MAP4K3: variants seen among roughly 807,000 people sequenced by gnomAD.
The protein encoded by MAP4K3 is MAPK/ERK kinase kinase kinase 3.
Under a neutral mutation model 143.5 loss-of-function variants are expected in MAP4K3, and 94 were observed. The observed-to-expected ratio is 0.65, with a 90% CI of 0.55 to 0.78. MAP4K3 has a LOEUF of 0.78. Among genes scored for constraint, MAP4K3 ranks in the 30% least tolerant of loss-of-function variants. MAP4K3 has a pLI of 0.00. For synonymous variants in MAP4K3, 416 were observed against 347.2 expected, an observed-to-expected ratio of 1.20 and a Z score of -2.20; for missense variants, 1,077 against 1,068.1, an observed-to-expected ratio of 1.01 and a Z score of -0.12.
chr2:39,270,461 C>T (rs1394365711), intron 26 of MAP4K3, among the ~76,000 whole-genome samples: 35 of 152,026 alleles, frequency 2.3e-4, no homozygotes, highest in Non-Finnish European at 8.8e-5. Flanking sequence ...TTTATCATGC[C>T]CAATAATGAT....
intron 1 of MAP4K3, among the ~76,000 whole-genome samples, chr2:39,434,310 T>C (rs1665386161): frequency 6.6e-6 from 1 of 152,220 alleles, no homozygotes; most frequent in Non-Finnish European, 1.5e-5. Context: ...AATGTAACTT[T>C]ATAGAATAAA....
intron 1 of MAP4K3, among the ~76,000 whole-genome samples, chr2:39,380,259 A>G (rs2148583282): frequency 6.6e-6 from 1 of 152,268 alleles, no homozygotes; most frequent in East Asian, 1.9e-4. Flanking sequence ...GTCCTTAAGA[A>G]ACTTCACTTC....
chr2:39,418,404 A>G (rs934232422), intron 1 of MAP4K3, among the ~76,000 whole-genome samples: 8 of 152,204 alleles, frequency 5.3e-5, no homozygotes, highest in Non-Finnish European at 1.0e-4. Flanking sequence ...ATGAGGACAA[A>G]GACATAAATC....
intron 3 of MAP4K3, among the ~76,000 whole-genome samples, chr2:39,355,672 A>C (rs1183945673): frequency 1.3e-5 from 2 of 152,244 alleles, no homozygotes; most frequent in East Asian, 1.9e-4. Flanking sequence ...TTTGACCCTA[A>C]GGTGATCGCC....
At chr2:39,393,710 G>A (rs1249800599) in intron 1 of MAP4K3, among the ~76,000 whole-genome samples, 1 of 152,098 alleles carries the variant, frequency 6.6e-6, no homozygotes, top group Non-Finnish European at 1.5e-5. Flanking sequence ...GGCTGGATCT[G>A]CACTTGACCT....
At chr2:39,325,469 C>T (rs1382893315) in intron 12 of MAP4K3, 49 bp downstream of exon 12, 2 of 1,262,768 alleles carry the variant, frequency 1.6e-6, no homozygotes, top group Non-Finnish European at 2.3e-6. Context: ...CACATATATA[C>T]ATACACATAT....
intron 23 of MAP4K3, among the ~76,000 whole-genome samples, chr2:39,279,884 T>C (rs1165010513): frequency 6.6e-6 from 1 of 152,028 alleles, no homozygotes; most frequent in African/African-American, 2.4e-5. Context: ...GGCCAGAAGT[T>C]TGAGGTTATA....
At chr2:39,340,969 A>C (rs1298309684) in intron 4 of MAP4K3, among the ~76,000 whole-genome samples, 1 of 152,170 alleles carries the variant, frequency 6.6e-6, no homozygotes, top group Non-Finnish European at 1.5e-5. Flanking sequence ...TCTAACTAAG[A>C]TTCTAAAGGA....
At chr2:39,320,389 C>A (rs572498178) in intron 12 of MAP4K3, among the ~76,000 whole-genome samples, 2 of 152,248 alleles carry the variant, frequency 1.3e-5, no homozygotes, top group East Asian at 1.9e-4. Flanking sequence ...AAAAATCAAA[C>A]CTTGACGATG....
chr2:39,392,026 C>A (rs11902227), intron 1 of MAP4K3, among the ~76,000 whole-genome samples: 131 of 151,700 alleles, frequency 8.6e-4, no homozygotes, highest in African/African-American at 3.1e-3. Context: ...ACTAAAAATA[C>A]AAAAATTAGC....
chr2:39,383,618 ATT>A (rs1666410630), intron 1 of MAP4K3, among the ~76,000 whole-genome samples: 2 of 151,978 alleles, frequency 1.3e-5, no homozygotes, highest in Admixed American at 1.3e-4. Context: ...TACCGGTAGA[ATT>A]ATTAATAATT....
intron 16 of MAP4K3, among the ~76,000 whole-genome samples, chr2:39,295,303 A>G (rs746609574): frequency 4.0e-5 from 6 of 151,882 alleles, no homozygotes; most frequent in Non-Finnish European, 7.4e-5. Flanking sequence ...TTTTTTAAAC[A>G]CACACACAAA....
intron 22 of MAP4K3, among the ~76,000 whole-genome samples, chr2:39,282,128 G>C (rs1018935561): frequency 6.6e-6 from 1 of 151,376 alleles, no homozygotes; most frequent in Non-Finnish European, 1.5e-5. Context: ...CTGGGAGGTG[G>C]AGCTTGCAAT....
chr2:39,250,966 T>TG (rs1680135457), intron 33 of MAP4K3, among the ~76,000 whole-genome samples: 1 of 152,182 alleles, frequency 6.6e-6, no homozygotes, highest in Non-Finnish European at 1.5e-5. Flanking sequence ...AGAAATTATT[T>TG]GGGGGAACTT....
chr2:39,363,522 AG>A (rs1486462303), intron 2 of MAP4K3, among the ~76,000 whole-genome samples: 3 of 152,140 alleles, frequency 2.0e-5, no homozygotes, highest in Admixed American at 1.3e-4. Context: ...ACAAAAAATT[AG>A]CTGGGCATAG....
intron 16 of MAP4K3, among the ~76,000 whole-genome samples, chr2:39,297,341 C>CTCCT (rs1682324784): frequency 1.3e-5 from 2 of 152,148 alleles, no homozygotes; most frequent in South Asian, 4.1e-4. Flanking sequence ...TGGTCTCGAT[C>CTCCT]TCCTGACCTC....
intron 32 of MAP4K3, among the ~76,000 whole-genome samples, chr2:39,252,767 T>C (rs1417139798): frequency 6.6e-6 from 1 of 152,246 alleles, no homozygotes; most frequent in Non-Finnish European, 1.5e-5. Flanking sequence ...GAAACACTAA[T>C]GACTCTTAGC....
chr2:39,345,123 A>G (rs1665250033), intron 3 of MAP4K3, among the ~76,000 whole-genome samples: 1 of 152,218 alleles, frequency 6.6e-6, no homozygotes, highest in African/African-American at 2.4e-5. Flanking sequence ...CTGTAATCTC[A>G]GTAACACAGG....
At chr2:39,278,660 T>A (rs766372028) in intron 23 of MAP4K3, among the ~76,000 whole-genome samples, 174 bp from the exon 24 acceptor site, 1 of 152,244 alleles carries the variant, frequency 6.6e-6, no homozygotes, top group African/African-American at 2.4e-5. Context: ...CTGAATTATA[T>A]GTAAACATTA....
Sources: allele counts gnomAD v4.1 joint callset (sites outside exome capture counted in the v4.1 genomes callset), GRCh38; gene constraint gnomAD v4.1.1; transcripts MANE v1.5; gene names NCBI Gene and HGNC (gene_info 2026-07-23, HGNC 2026-07-21).